The following FRMD6 variants were observed in gnomAD, a reference collection of about 807,000 sequenced individuals.
FRMD6 encodes the protein FERM domain containing 6.
Under a neutral mutation model 73.2 loss-of-function variants are expected in FRMD6, and 37 were observed. That is an observed-to-expected ratio of 0.51 (90% confidence interval 0.39 to 0.66). FRMD6 has a LOEUF of 0.66. FRMD6 is among the 30% of genes least tolerant of loss of function. The pLI is 0.00. For missense variants in FRMD6, 714 were observed against 780.5 expected, an observed-to-expected ratio of 0.91 and a Z score of 1.02; for synonymous variants, 273 against 282.2, an observed-to-expected ratio of 0.97 and a Z score of 0.33.
chr14:51,585,939 GTATA>G lies in FRMD6; in HGVS notation c.-147+15548_-147+15551del, dbSNP rs3060587. Among the ~76,000 whole-genome samples the G allele has an allele frequency of 8.0e-4, 25 of 31,408 alleles. 4 individuals carry two copies. The South Asian group carries it at 0.022, about 28-fold the overall frequency. The allele number at this position is 31,408 out of a possible 152,430, so 20.6% of individuals were successfully genotyped here. A position where few individuals can be genotyped will look rare whatever the true frequency, so the allele number is the denominator to read the frequency against. ...TGCCATGGCATGTGTGTGTGTGTGT[GTATA>G]TATATATATATATATATAACATTTT... On this transcript the variant is annotated intron_variant, in intron 2 of 14. Transcript: ENST00000356218.
intron 1 of FRMD6, among the ~76,000 whole-genome samples, chr14:51,537,343 C>T (rs1193036311): frequency 1.3e-5 from 2 of 152,126 alleles, no homozygotes; most frequent in Non-Finnish European, 2.9e-5. Context: ...AGCTCATTTG[C>T]TTTTAGTGCA....
intron 1 of FRMD6, 87 bp downstream of exon 1, chr14:51,652,083 C>G (rs1415142532): frequency 2.7e-5 from 4 of 150,734 alleles, no homozygotes; most frequent in Non-Finnish European, 5.9e-5. Context: ...TGCCCCCTGC[C>G]GGCGGGGCGG....
intron 1 of FRMD6, among the ~76,000 whole-genome samples, chr14:51,539,484 TG>T (rs1886087555): frequency 6.6e-6 from 1 of 152,146 alleles, no homozygotes; most frequent in Non-Finnish European, 1.5e-5. Context: ...AAGCATTTTT[TG>T]AAAGAAAAAA....
the FRMD6 span, among the ~76,000 whole-genome samples, chr14:51,459,884 C>CTTTTTTTTTTTTTTTTTTTTTT: frequency 5.1e-4 from 38 of 74,644 alleles, 7 homozygotes; most frequent in African/African-American, 7.6e-4. Flanking sequence ...TACTGACTCT[C>CTTTTTTTTTTTTTTTTTTTTTT]TTTTTTTTTT....
At chr14:51,684,222 G>A (rs893256688) in intron 1 of FRMD6, among the ~76,000 whole-genome samples, 25 of 151,764 alleles carry the variant, frequency 1.6e-4, no homozygotes, top group African/African-American at 6.0e-4. Flanking sequence ...TTGTTTCCAG[G>A]TCAGATTTTA....
At chr14:51,405,907 C>T in the FRMD6 span, among the ~76,000 whole-genome samples, 4 of 152,074 alleles carry the variant, frequency 2.6e-5, no homozygotes, top group African/African-American at 9.7e-5. Flanking sequence ...AAATCTCTGC[C>T]TGTTCCTATG....
chr14:51,430,802 A>C, the FRMD6 span, among the ~76,000 whole-genome samples: 1 of 152,138 alleles, frequency 6.6e-6, no homozygotes, highest in Non-Finnish European at 1.5e-5. Flanking sequence ...TATTCAAGGG[A>C]TCTTTTATTC....
chr14:51,607,869 ACT>A (rs1890329008), intron 2 of FRMD6, among the ~76,000 whole-genome samples: 1 of 151,796 alleles, frequency 6.6e-6, no homozygotes, highest in Non-Finnish European at 1.5e-5. Context: ...GGAATCCCTG[ACT>A]CTGGGTTCCT....
chr14:51,615,437 G>T (rs1203394813), intron 2 of FRMD6, among the ~76,000 whole-genome samples: 1 of 152,118 alleles, frequency 6.6e-6, no homozygotes, highest in Non-Finnish European at 1.5e-5. Flanking sequence ...ACATTATTCT[G>T]TGGCATAATA....
chr14:51,460,448 A>C, the FRMD6 span, among the ~76,000 whole-genome samples: 1 of 152,222 alleles, frequency 6.6e-6, no homozygotes, highest in East Asian at 1.9e-4. Flanking sequence ...TATTTCCATA[A>C]AATAGATTCC....
intron 7 of FRMD6, among the ~76,000 whole-genome samples, chr14:51,710,281 G>A (rs368233201): frequency 6.6e-4 from 101 of 152,002 alleles, no homozygotes; most frequent in African/African-American, 2.3e-3. Flanking sequence ...GAAATTCAGC[G>A]GCAGCCATTA....
the FRMD6 span, among the ~76,000 whole-genome samples, chr14:51,435,603 T>C: frequency 6.6e-6 from 1 of 152,116 alleles, no homozygotes; most frequent in Non-Finnish European, 1.5e-5. Flanking sequence ...TTAAATCATA[T>C]TCAAAACTAT....
chr14:51,613,483 C>T (rs1293216675), intron 2 of FRMD6, among the ~76,000 whole-genome samples: 1 of 152,120 alleles, frequency 6.6e-6, no homozygotes, highest in Non-Finnish European at 1.5e-5. Context: ...GATATGTGTA[C>T]TTCTAAATCC....
chr14:51,412,840 A>G, the FRMD6 span, among the ~76,000 whole-genome samples: 2 of 151,960 alleles, frequency 1.3e-5, no homozygotes, highest in East Asian at 1.9e-4. Flanking sequence ...CGACTGAGCA[A>G]GATTCTGTCT....
At chr14:51,409,446 T>A in the FRMD6 span, among the ~76,000 whole-genome samples, 1 of 151,782 alleles carries the variant, frequency 6.6e-6, no homozygotes, top group Non-Finnish European at 1.5e-5. Flanking sequence ...GATTTTTAGT[T>A]GTTTCCAGCA....
chr14:51,556,754 T>C (rs1267453993), intron 1 of FRMD6, among the ~76,000 whole-genome samples: 1 of 152,172 alleles, frequency 6.6e-6, no homozygotes, highest in African/African-American at 2.4e-5. Flanking sequence ...TTATCCATCA[T>C]TGAAGAGTGA....
intron 1 of FRMD6, among the ~76,000 whole-genome samples, chr14:51,688,678 G>A (rs560709981): frequency 1.3e-5 from 2 of 152,250 alleles, no homozygotes; most frequent in East Asian, 3.9e-4. Flanking sequence ...CTAATGGTTT[G>A]ACAGACGACT....
At chr14:51,400,395 G>A in the FRMD6 span, among the ~76,000 whole-genome samples, 1 of 152,002 alleles carries the variant, frequency 6.6e-6, no homozygotes, top group South Asian at 2.1e-4. Context: ...ATTTCACTTG[G>A]CATAATGTCC....
chr14:51,559,818 T>C (rs1311869010), intron 1 of FRMD6, among the ~76,000 whole-genome samples: 1 of 152,176 alleles, frequency 6.6e-6, no homozygotes, highest in Admixed American at 6.5e-5. Context: ...GCAAGATTGA[T>C]AGATGGGTTA....
Sources: gnomAD v4.1 joint callset for allele counts (sites outside exome capture counted in the v4.1 genomes callset) on GRCh38, gnomAD v4.1.1 for gene constraint, MANE v1.5 for transcripts, NCBI Gene and HGNC (gene_info 2026-07-23, HGNC 2026-07-21) for gene names.